Variants in PARK7 observed in about 807,000 individuals in gnomAD.
PARK7 encodes the protein Parkinson disease protein 7.
Under a neutral mutation model 20.5 loss-of-function variants are expected in PARK7, and 14 were observed. The ratio of observed to expected loss-of-function variants is 0.68; its 90% CI spans 0.45 to 1.07. The LOEUF is 1.07. PARK7 is among the 50% of genes least tolerant of loss of function. PARK7 has a pLI of 0.00. For missense variants in PARK7, 234 were observed against 238.1 expected (o/e 0.98, Z 0.11); for synonymous variants, 98 against 84.3 (o/e 1.16, Z -0.89).
chr1:7,968,326 A>AAAT (rs1557443735), intron 3 of PARK7, among the ~76,000 whole-genome samples: 3 of 149,686 alleles, frequency 2.0e-5, no homozygotes, highest in Non-Finnish European at 4.4e-5. Flanking sequence ...AAAGAAAAGA[A>AAAT]AAATAAATAA....
intron 3 of PARK7, among the ~76,000 whole-genome samples, chr1:7,968,232 C>T (rs1306322177): frequency 1.0e-4 from 15 of 146,984 alleles, no homozygotes; most frequent in South Asian, 4.3e-4. Context: ...CGCTTGAATC[C>T]GGGAGACGGA....
chr1:7,965,853 A>G (rs550999026), intron 3 of PARK7, among the ~76,000 whole-genome samples: 27 of 152,282 alleles, frequency 1.8e-4, no homozygotes, highest in African/African-American at 6.3e-4. Context: ...TCTCTCCCCT[A>G]GGCTGGAGTC....
chr1:7,977,584 A>G, intron 5 of PARK7, 68 bp from the exon 6 acceptor site: 1 of 1,372,414 alleles, frequency 7.3e-7, no homozygotes, highest in Non-Finnish European at 1.0e-6. Flanking sequence ...TGTGCCAGGC[A>G]CTATTGCGAT....
At chr1:7,972,684 G>A (rs1454935873) in intron 5 of PARK7, among the ~76,000 whole-genome samples, 2 of 152,136 alleles carry the variant, frequency 1.3e-5, no homozygotes, top group African/African-American at 2.4e-5. Flanking sequence ...TGGGCAGATC[G>A]TTTGAGGTCA....
At chr1:7,981,196 G>T (rs544420770) in intron 6 of PARK7, among the ~76,000 whole-genome samples, 1 of 152,312 alleles carries the variant, frequency 6.6e-6, no homozygotes, top group South Asian at 2.1e-4. Flanking sequence ...ACTGTGGGAA[G>T]TTTCCTTAGT....
intron 5 of PARK7, among the ~76,000 whole-genome samples, chr1:7,973,990 G>GC (rs952743455): frequency 6.6e-6 from 1 of 151,602 alleles, no homozygotes; most frequent in Non-Finnish European, 1.5e-5. Flanking sequence ...AGAAGCATGG[G>GC]CCTTATAGTA....
chr1:7,962,985 A>G (rs1640241719), intron 2 of PARK7, 110 bp downstream of exon 2: 3 of 895,450 alleles, frequency 3.4e-6, no homozygotes, highest in Non-Finnish European at 5.5e-6. Flanking sequence ...AAATATACAC[A>G]AAATTTCAGA....
At position 7,984,298 on chromosome 1, in the gene PARK7, G is replaced by A. The variant is rs1640771638; in HGVS notation, c.410-596G>A. Among the ~76,000 whole-genome samples the A allele has an allele frequency of 6.6e-6, 1 of 152,192 alleles. No homozygotes were observed. The highest frequency in any genetic ancestry group is 6.5e-5 in the Admixed American group (1 of 15,278). On this transcript the variant is annotated intron_variant, in intron 6 of 6. Coordinates refer to ENST00000338639, the MANE Select transcript of PARK7 (RefSeq NM_007262.5). The surrounding 1 kb of genome is among the most constrained non-coding windows in gnomAD (Gnocchi z 4.3). ...GAGGGGCAGAGCTCAGGGCATCCAT[G>A]CTTAAGAGTCCCAGTTTTGGTATTA...
In PARK7 at chr1:7,982,643, G is replaced by A. The variant is rs754126313; in HGVS notation, c.410-2251G>A. Among the ~76,000 whole-genome samples, 24 of 152,148 alleles carry A rather than the reference G, an allele frequency of 1.6e-4. 1 individual carries two copies. The highest frequency in any genetic ancestry group is 1.2e-4 in the African/African-American group (5 of 41,436). On this transcript the variant is annotated intron_variant, in intron 6 of 6. Transcript: ENST00000338639. ...TGAACCATTTACAGTTGTGCCTCGC[G>A]TTGTCCCACTCTCAGCTGTGCATCT...
intron 6 of PARK7, among the ~76,000 whole-genome samples, chr1:7,978,676 C>G (rs983681162): frequency 5.3e-5 from 8 of 152,066 alleles, no homozygotes; most frequent in African/African-American, 1.7e-4. Context: ...AACTCCATCT[C>G]TACTAAAAAT....
At chr1:7,980,523 G>T (rs188322851) in intron 6 of PARK7, among the ~76,000 whole-genome samples, 1 of 152,266 alleles carries the variant, frequency 6.6e-6, no homozygotes, top group East Asian at 1.9e-4. Flanking sequence ...AAGGCAGGTG[G>T]CATCATCCTG....
At chr1:7,969,455 AC>A (rs1248208680) in intron 4 of PARK7, 51 bp downstream of exon 4, 1 of 1,239,986 alleles carries the variant, frequency 8.1e-7, no homozygotes, top group Non-Finnish European at 1.2e-6. Flanking sequence ...GGGGGGAAAA[AC>A]TAAAGAATTT....
At chr1:7,969,554 A>G in intron 4 of PARK7, 150 bp downstream of exon 4, 1 of 696,810 alleles carries the variant, frequency 1.4e-6, no homozygotes, top group Non-Finnish European at 2.5e-6. Flanking sequence ...AACTAAAATT[A>G]ACAAAATGGT....
At chr1:7,976,786 T>G (rs546826563) in intron 5 of PARK7, among the ~76,000 whole-genome samples, 1 of 152,318 alleles carries the variant, frequency 6.6e-6, no homozygotes, top group Admixed American at 6.5e-5. Flanking sequence ...AGTGGCACGA[T>G]CTTGGCTCAC....
rs1640402326 is a variant in PARK7, at chr1:7,969,352, A to G, written c.200A>G (p.Tyr67Cys). Residue 67 changes from tyrosine to cysteine, a missense_variant, in exon 4 of 7, where the codon TAT becomes TGT. By Grantham distance (194) the Tyr-to-Cys change is radical. Coordinates refer to ENST00000338639, the MANE Select transcript of PARK7 (RefSeq NM_007262.5). Reference sequence around the variant, plus strand: ...TGTTTTAAACTGTTACAGGGACCATATGATGTGGTGGTTCTACCAGGAGGT... The same window carrying G: ...TGTTTTAAACTGTTACAGGGACCATGTGATGTGGTGGTTCTACCAGGAGGT... ...SLEDAKKEGP[Y>C]DVVVLPGGNL... 1.9e-6 allele frequency: 3 copies of G among 1,603,338 alleles called. No individual in the cohort carries two copies. The highest frequency in any genetic ancestry group is 1.1e-5 in the South Asian group (1 of 90,836).
At chr1:7,970,812 A>T in intron 4 of PARK7, 82 bp from the exon 5 acceptor site, 1 of 1,369,696 alleles carries the variant, frequency 7.3e-7, no homozygotes, top group Non-Finnish European at 1.0e-6. Context: ...AACTAAAATT[A>T]AATTCTTCCA....
intron 5 of PARK7, chr1:7,971,413 C>T (rs1640462433): frequency 9.1e-6 from 2 of 219,738 alleles, no homozygotes; most frequent in South Asian, 1.4e-4. Context: ...TGTCTCAGTA[C>T]CGAGTGATCT....
Position 7,966,130 on chromosome 1 carries a change from C to T in PARK7, c.192+705C>T, listed in dbSNP as rs1640322302. ...GCTCCCCCACAGGCGCTTTTGCACA[C>T]TCCGTCGTGCGGTCAGCGTGACAGG... On this transcript the variant is annotated intron_variant, in intron 3 of 6. Transcript: ENST00000338639. Among the ~76,000 whole-genome samples the T allele has an allele frequency of 3.3e-5, 5 of 152,158 alleles. No individual in the cohort carries two copies. The South Asian group carries it at 1.0e-3, about 32-fold the overall frequency.
chr1:7,974,558 G>C (rs1326483945), intron 5 of PARK7, among the ~76,000 whole-genome samples: 1 of 151,818 alleles, frequency 6.6e-6, no homozygotes, highest in African/African-American at 2.4e-5. Context: ...GAACCTGGGG[G>C]GCAGAGCTTG....
Sources: allele counts gnomAD v4.1 joint callset (sites outside exome capture counted in the v4.1 genomes callset), GRCh38; gene constraint gnomAD v4.1.1; non-coding constraint Gnocchi (gnomAD v3.1); transcripts MANE v1.5; gene names NCBI Gene and HGNC (gene_info 2026-07-23, HGNC 2026-07-21).